Variants in ZBTB20 observed in about 807,000 individuals in gnomAD.
ZBTB20 encodes zinc finger and BTB domain containing 20, also known as zinc finger and BTB domain-containing protein 20.
A neutral mutation model predicts 56.9 loss-of-function variants in ZBTB20; 9 were observed. The observed-to-expected ratio is 0.16, with a 90% CI of 0.10 to 0.28. The LOEUF is 0.28. Among genes scored for constraint, ZBTB20 ranks in the 10% least tolerant of loss-of-function variants. The pLI is 1.00. For synonymous variants in ZBTB20, 417 were observed against 420.7 expected (o/e 0.99, Z 0.11); for missense variants, 655 against 1,003.0 (o/e 0.65, Z 4.69).
At chr3:114,384,946 C>T (rs1235269441) in intron 8 of ZBTB20, among the ~76,000 whole-genome samples, 4 of 152,184 alleles carry the variant, frequency 2.6e-5, no homozygotes, top group Non-Finnish European at 4.4e-5. Context: ...ATGCTTTCTG[C>T]AACATATGGA....
At chr3:114,570,506 A>C (rs1284751380) in intron 6 of ZBTB20, among the ~76,000 whole-genome samples, 1 of 152,002 alleles carries the variant, frequency 6.6e-6, no homozygotes, top group Admixed American at 6.6e-5. Flanking sequence ...AACAGACATG[A>C]AAACTGTGGG....
intron 6 of ZBTB20, among the ~76,000 whole-genome samples, chr3:114,574,443 C>A (rs1479101641): frequency 6.6e-6 from 1 of 152,204 alleles, no homozygotes; most frequent in African/African-American, 2.4e-5. Flanking sequence ...CCATTACCAG[C>A]ACTGAAAATT....
At chr3:114,435,310 C>T (rs552547911) in intron 7 of ZBTB20, among the ~76,000 whole-genome samples, 20 of 152,218 alleles carry the variant, frequency 1.3e-4, no homozygotes, top group African/African-American at 4.8e-4. Context: ...ACCTGGTACA[C>T]GTTTGGCACT....
intron 7 of ZBTB20, among the ~76,000 whole-genome samples, chr3:114,469,187 G>T (rs1337186194): frequency 6.6e-6 from 1 of 152,026 alleles, no homozygotes; most frequent in East Asian, 1.9e-4. Context: ...TCTAATTAAA[G>T]AAAGGGCAAG....
intron 5 of ZBTB20, among the ~76,000 whole-genome samples, chr3:114,796,007 G>A (rs2071319252): frequency 6.6e-6 from 1 of 151,614 alleles, no homozygotes; most frequent in Non-Finnish European, 1.5e-5. Flanking sequence ...GTGTAGATGA[G>A]TATTGCATTA....
Position 114,412,825 on chromosome 3 carries a change from A to G in ZBTB20, c.-254-23720T>C, listed in dbSNP as rs568701180. ...AAAATGAGCAAAAACTTCAGTCTCT[A>G]GCTTTTCCTTAAGACAAGTTTCTCC... On this transcript the variant is annotated intron_variant, in intron 7 of 11. Coordinates refer to ENST00000675478, the MANE Select transcript of ZBTB20 (RefSeq NM_001348800.3). Among the ~76,000 whole-genome samples the G allele has an allele frequency of 7.2e-5, 11 of 152,238 alleles. No individual in the cohort carries two copies. In the East Asian group the frequency reaches 2.1e-3, roughly 29 times the overall value.
At chr3:114,724,267 C>A (rs878911818) in intron 5 of ZBTB20, among the ~76,000 whole-genome samples, 1 of 152,162 alleles carries the variant, frequency 6.6e-6, no homozygotes, top group Non-Finnish European at 1.5e-5. Flanking sequence ...ATTGTTCTCT[C>A]TGATAACATT....
At chr3:114,890,533 T>C (rs1285739084) in intron 4 of ZBTB20, among the ~76,000 whole-genome samples, 1 of 152,004 alleles carries the variant, frequency 6.6e-6, no homozygotes, top group Non-Finnish European at 1.5e-5. Context: ...TTCTCACTCA[T>C]AGGTGGGAAT....
At chr3:114,742,298 T>C (rs1400092700) in intron 5 of ZBTB20, among the ~76,000 whole-genome samples, 1 of 152,168 alleles carries the variant, frequency 6.6e-6, no homozygotes, top group African/African-American at 2.4e-5. Flanking sequence ...AATAAATATG[T>C]GTAGGAAGTA....
chr3:114,676,419 G>A (rs2061628871), intron 6 of ZBTB20, among the ~76,000 whole-genome samples: 2 of 152,126 alleles, frequency 1.3e-5, no homozygotes, highest in Non-Finnish European at 2.9e-5. Context: ...GAGCTCAATG[G>A]AAGGTCAATG....
chr3:115,120,680 G>A (rs1234713862), intron 1 of ZBTB20, among the ~76,000 whole-genome samples: 3 of 151,986 alleles, frequency 2.0e-5, no homozygotes, highest in Non-Finnish European at 4.4e-5. Context: ...AGGTTAGAAG[G>A]TTGTAAAAAG....
intron 3 of ZBTB20, among the ~76,000 whole-genome samples, chr3:114,968,175 C>T (rs1374602191): frequency 6.6e-6 from 1 of 152,062 alleles, no homozygotes; most frequent in Non-Finnish European, 1.5e-5. Flanking sequence ...TACATTTCCA[C>T]ATTTATTCCA....
intron 6 of ZBTB20, among the ~76,000 whole-genome samples, chr3:114,665,746 G>A (rs1048510957): frequency 2.0e-5 from 3 of 151,954 alleles, no homozygotes; most frequent in Admixed American, 6.6e-5. Flanking sequence ...TTATTTTGCG[G>A]TATTATAACA....
intron 7 of ZBTB20, among the ~76,000 whole-genome samples, chr3:114,436,817 C>G (rs907239862): frequency 1.3e-5 from 2 of 152,170 alleles, no homozygotes; most frequent in African/African-American, 4.8e-5. Context: ...TATACTCCAG[C>G]CTGGGTGATT....
chr3:115,097,384 A>G (rs2083418447), intron 1 of ZBTB20, among the ~76,000 whole-genome samples: 1 of 151,778 alleles, frequency 6.6e-6, no homozygotes, highest in South Asian at 2.1e-4. Context: ...GGGTTTCACC[A>G]TGTTGGCCAG....
At chr3:115,034,193 G>A (rs924432139) in intron 2 of ZBTB20, among the ~76,000 whole-genome samples, 2 of 151,614 alleles carry the variant, frequency 1.3e-5, no homozygotes, top group Non-Finnish European at 3.0e-5. Flanking sequence ...AACAAGGCAA[G>A]TACTATTCCA....
intron 10 of ZBTB20, among the ~76,000 whole-genome samples, chr3:114,354,585 T>TTC: frequency 2.7e-5 from 1 of 37,500 alleles, no homozygotes; most frequent in Admixed American, 4.5e-4. Context: ...TTTGTTTTGT[T>TTC]TGTTTTTTTT....
chr3:114,745,592 T>G (rs1281402665), intron 5 of ZBTB20, among the ~76,000 whole-genome samples: 1 of 152,212 alleles, frequency 6.6e-6, no homozygotes, highest in African/African-American at 2.4e-5. Context: ...GAACCTTTTC[T>G]GTTCCTGATC....
intron 7 of ZBTB20, among the ~76,000 whole-genome samples, chr3:114,455,230 G>A (rs79161722): frequency 0.017 from 2,525 of 152,108 alleles, 64 homozygotes; most frequent in African/African-American, 0.057. Flanking sequence ...TTAGCTGTTC[G>A]GCTTAGACAT....
Sources: allele counts gnomAD v4.1 joint callset (sites outside exome capture counted in the v4.1 genomes callset), GRCh38; gene constraint gnomAD v4.1.1; transcripts MANE v1.5; gene names NCBI Gene and HGNC (gene_info 2026-07-23, HGNC 2026-07-21).